The following CAMK4 variants were observed in gnomAD, a reference collection of about 807,000 sequenced individuals.
CAMK4 encodes the protein calcium/calmodulin-dependent protein kinase type IV.
Under a neutral mutation model 44.9 loss-of-function variants are expected in CAMK4, and 22 were observed. The ratio of observed to expected loss-of-function variants is 0.49; its 90% CI spans 0.35 to 0.70. The LOEUF (loss-of-function observed/expected upper bound fraction) is 0.70, where lower values mean the gene tolerates loss of function less well. Ranked by LOEUF, CAMK4 falls within the 30% of genes least tolerant of loss-of-function variation. The pLI is 0.01. For synonymous variants in CAMK4, 218 were observed against 215.4 expected (o/e 1.01, Z -0.11); for missense variants, 498 against 586.8 (o/e 0.85, Z 1.56).
At chr5:111,267,666 A>T (rs1281522310) in intron 1 of CAMK4, among the ~76,000 whole-genome samples, 1 of 143,860 alleles carries the variant, frequency 7.0e-6, no homozygotes, top group Non-Finnish European at 1.5e-5. Flanking sequence ...ATCGTGCCAC[A>T]GCACTCCCGC....
At chr5:111,367,714 A>G (rs1750846945) in intron 2 of CAMK4, among the ~76,000 whole-genome samples, 1 of 152,130 alleles carries the variant, frequency 6.6e-6, no homozygotes, top group South Asian at 2.1e-4. Context: ...GAGACCCCAT[A>G]TACCTCCCAG....
intron 2 of CAMK4, among the ~76,000 whole-genome samples, chr5:111,367,814 T>A (rs1044483695): frequency 3.3e-5 from 5 of 152,100 alleles, no homozygotes; most frequent in Non-Finnish European, 7.4e-5. Flanking sequence ...TCTTCCTTCT[T>A]CCTATGGACT....
chr5:111,448,833 A>G (rs1245639352), intron 6 of CAMK4, among the ~76,000 whole-genome samples: 1 of 152,194 alleles, frequency 6.6e-6, no homozygotes, highest in Non-Finnish European at 1.5e-5. Context: ...AACAAGAAAG[A>G]AAGAAAAAAA....
chr5:111,282,523 C>G (rs748565737), intron 1 of CAMK4, among the ~76,000 whole-genome samples: 3 of 152,018 alleles, frequency 2.0e-5, no homozygotes, highest in Non-Finnish European at 4.4e-5. Context: ...CCCTTAATTC[C>G]GAATTTTTTA....
At chr5:111,395,799 G>A (rs1751985615) in intron 5 of CAMK4, among the ~76,000 whole-genome samples, 1 of 152,040 alleles carries the variant, frequency 6.6e-6, no homozygotes, top group African/African-American at 2.4e-5. Context: ...GAACACTTTG[G>A]TGATTCATTT....
intron 1 of CAMK4, among the ~76,000 whole-genome samples, chr5:111,253,022 A>G (rs1338905563): frequency 6.6e-6 from 1 of 152,108 alleles, no homozygotes; most frequent in African/African-American, 2.4e-5. Flanking sequence ...TTGCTTTCTT[A>G]TTTTTGTCAA....
At chr5:111,434,423 G>T (rs76642697) in intron 5 of CAMK4, among the ~76,000 whole-genome samples, 1 of 152,152 alleles carries the variant, frequency 6.6e-6, no homozygotes, top group Non-Finnish European at 1.5e-5. Context: ...GGCCAAGGCC[G>T]GTGAGGAAAA....
chr5:111,411,354 G>A (rs1313353957), intron 5 of CAMK4, among the ~76,000 whole-genome samples: 1 of 152,312 alleles, frequency 6.6e-6, no homozygotes, highest in South Asian at 2.1e-4. Flanking sequence ...GTCAGTAAAA[G>A]CCCCTGGAAT....
rs1264241753 is a variant in CAMK4 at position 111,494,433 on chromosome 5, T to C, written c.*9967T>C. 6.6e-6 allele frequency: 1 copy of C among 152,132 alleles called. No individual in the cohort carries two copies. The highest frequency in any genetic ancestry group is 2.4e-5 in the African/African-American group (1 of 41,442). The allele number at this position is 152,132 out of a possible 1,614,324, so 9.4% of individuals were successfully genotyped here. A position where few individuals can be genotyped will look rare whatever the true frequency, so the allele number is the denominator to read the frequency against. On this transcript the variant is annotated 3_prime_UTR_variant, in exon 11 of 11. Coordinates refer to ENST00000282356, the MANE Select transcript of CAMK4 (RefSeq NM_001744.6). ...GCATAAATGTACATACAGAAAATGT[T>C]TGTAGAGAATTCATCAAAATCATGC...
chr5:111,358,352 A>G (rs1195575354), intron 2 of CAMK4, among the ~76,000 whole-genome samples: 1 of 152,076 alleles, frequency 6.6e-6, no homozygotes, highest in Non-Finnish European at 1.5e-5. Flanking sequence ...GGGATGCAGT[A>G]TGAACACAGG....
intron 5 of CAMK4, among the ~76,000 whole-genome samples, chr5:111,420,117 A>C (rs4957946): frequency 0.25 from 35,840 of 144,048 alleles, 4,774 homozygotes; most frequent in Non-Finnish European, 0.3. Flanking sequence ...CTTTTATTTC[A>C]TTGATCAGTG....
chr5:111,387,082 T>C (rs576687305), intron 4 of CAMK4, among the ~76,000 whole-genome samples: 144 of 152,358 alleles, frequency 9.5e-4, no homozygotes, highest in African/African-American at 3.3e-3. Flanking sequence ...TGCTTCCTTA[T>C]TATTTTTCAA....
chr5:111,401,716 G>C (rs568881938), intron 5 of CAMK4, among the ~76,000 whole-genome samples: 1 of 152,308 alleles, frequency 6.6e-6, no homozygotes, highest in East Asian at 1.9e-4. Context: ...AAAGGCAAAA[G>C]AGGAACACTA....
chr5:111,269,488 C>T (rs1183953579), intron 1 of CAMK4, among the ~76,000 whole-genome samples: 1 of 152,164 alleles, frequency 6.6e-6, no homozygotes, highest in Non-Finnish European at 1.5e-5. Flanking sequence ...CTGGACCTTC[C>T]TGGGTCCTTG....
chr5:111,325,431 T>C (rs193060968), intron 1 of CAMK4, among the ~76,000 whole-genome samples: 1 of 152,242 alleles, frequency 6.6e-6, no homozygotes, highest in Non-Finnish European at 1.5e-5. Flanking sequence ...CCTTGAGGGA[T>C]TGCCACACTG....
chr5:111,345,898 G>A (rs1257736208), intron 2 of CAMK4, among the ~76,000 whole-genome samples: 1 of 151,960 alleles, frequency 6.6e-6, no homozygotes, highest in African/African-American at 2.4e-5. Context: ...AGAATGAAGT[G>A]TCAGATGGAG....
chr5:111,377,566 C>A (rs545418234), intron 4 of CAMK4, among the ~76,000 whole-genome samples: 6 of 152,054 alleles, frequency 3.9e-5, no homozygotes, highest in African/African-American at 1.4e-4. Context: ...ATAATATATG[C>A]AAACTATTTG....
intron 2 of CAMK4, among the ~76,000 whole-genome samples, chr5:111,345,874 A>G (rs1263740902): frequency 6.6e-6 from 1 of 151,998 alleles, no homozygotes; most frequent in Non-Finnish European, 1.5e-5. Flanking sequence ...ACAGGCAGGA[A>G]GAGCATGTGA....
intron 1 of CAMK4, among the ~76,000 whole-genome samples, chr5:111,265,184 C>G (rs1282179879): frequency 6.6e-6 from 1 of 152,136 alleles, no homozygotes; most frequent in South Asian, 2.1e-4. Flanking sequence ...CACCAAAACA[C>G]CCCCTGAAAC....
Sources: gnomAD v4.1 joint callset for allele counts (sites outside exome capture counted in the v4.1 genomes callset) on GRCh38, gnomAD v4.1.1 for gene constraint, MANE v1.5 for transcripts, NCBI Gene and HGNC (gene_info 2026-07-23, HGNC 2026-07-21) for gene names.